Variants in NRXN1 observed in about 807,000 individuals in gnomAD.
NRXN1 encodes neurexin-1.
NRXN1 carries 39 observed loss-of-function variants against 150.9 expected under a neutral mutation model. The observed-to-expected ratio is 0.26, with a 90% CI of 0.20 to 0.34. The LOEUF is 0.34. NRXN1 is among the 10% of genes least tolerant of loss of function. The pLI is 1.00. For synonymous variants in NRXN1, 924 were observed against 757.0 expected (o/e 1.22, Z -3.62); for missense variants, 1,815 against 1,949.9 (o/e 0.93, Z 1.30).
intron 16 of NRXN1, among the ~76,000 whole-genome samples, chr2:50,471,920 C>CA (rs2089509949): frequency 1.3e-5 from 2 of 151,682 alleles, no homozygotes; most frequent in Non-Finnish European, 2.9e-5. Flanking sequence ...AAAAAATGGG[C>CA]ACAAGTTGAT....
At chr2:50,140,694 G>A (rs1363706475) in intron 18 of NRXN1, among the ~76,000 whole-genome samples, 1 of 150,424 alleles carries the variant, frequency 6.6e-6, no homozygotes. Flanking sequence ...TAGTAGAGAT[G>A]TTGATGTTTA....
At chr2:50,027,133 C>T (rs188551340) in intron 21 of NRXN1, among the ~76,000 whole-genome samples, 14 of 151,972 alleles carry the variant, frequency 9.2e-5, no homozygotes, top group African/African-American at 2.7e-4. Flanking sequence ...CCACCCAACT[C>T]GGGTTCCCAA....
intron 8 of NRXN1, among the ~76,000 whole-genome samples, chr2:50,582,620 G>C (rs1289140293): frequency 1.3e-5 from 2 of 151,006 alleles, no homozygotes; most frequent in Non-Finnish European, 2.9e-5. Context: ...ATAAACATAG[G>C]CTACGTAGCA....
chr2:50,074,737 T>C (rs745673665), intron 19 of NRXN1, among the ~76,000 whole-genome samples: 1 of 152,016 alleles, frequency 6.6e-6, no homozygotes, highest in African/African-American at 2.4e-5. Flanking sequence ...CCAGGAAGAG[T>C]TGAAGTACAT....
chr2:50,393,479 TA>T (rs1351313877), intron 17 of NRXN1, among the ~76,000 whole-genome samples: 1 of 152,074 alleles, frequency 6.6e-6, no homozygotes, highest in African/African-American at 2.4e-5. Flanking sequence ...AGGAAACTGT[TA>T]ATTTAAGAAG....
chr2:50,808,823 A>T (rs1667844708), intron 5 of NRXN1, among the ~76,000 whole-genome samples: 1 of 152,162 alleles, frequency 6.6e-6, no homozygotes, highest in African/African-American at 2.4e-5. Context: ...CTTTCAACAC[A>T]TTAATTAAAG....
chr2:50,439,528 C>T (rs111273530), intron 17 of NRXN1, among the ~76,000 whole-genome samples: 1,615 of 152,146 alleles, frequency 0.011, 26 homozygotes, highest in African/African-American at 0.038. Flanking sequence ...TAAAAAAGGC[C>T]GGGCGCGGTG....
chr2:50,897,088 G>A (rs1383296491), intron 5 of NRXN1, among the ~76,000 whole-genome samples: 3 of 152,146 alleles, frequency 2.0e-5, no homozygotes, highest in African/African-American at 4.8e-5. Flanking sequence ...TTCATTCTAA[G>A]TAACTGTTGA....
chr2:50,502,851 T>G (rs2092019232), intron 13 of NRXN1, among the ~76,000 whole-genome samples: 1 of 152,170 alleles, frequency 6.6e-6, no homozygotes, highest in Non-Finnish European at 1.5e-5. Context: ...TATCTCTGTC[T>G]GCTGAAGGGG....
intron 8 of NRXN1, among the ~76,000 whole-genome samples, chr2:50,588,430 T>A (rs1250694834): frequency 6.6e-6 from 1 of 152,108 alleles, no homozygotes; most frequent in Non-Finnish European, 1.5e-5. Context: ...GTGTAGAACA[T>A]ATACAGTGTG....
At chr2:50,976,805 G>A (rs1375385988) in intron 2 of NRXN1, among the ~76,000 whole-genome samples, 3 of 151,826 alleles carry the variant, frequency 2.0e-5, no homozygotes, top group Non-Finnish European at 2.9e-5. Context: ...AAAAATCATC[G>A]ATTAAATAAC....
chr2:50,510,513 A>AC (rs2092413366), intron 12 of NRXN1, among the ~76,000 whole-genome samples: 8 of 133,980 alleles, frequency 6.0e-5, no homozygotes, highest in Admixed American at 5.9e-4. Flanking sequence ...AAAAAAAAAA[A>AC]CCACAAAAGA....
chr2:50,255,120 T>C (rs1004261297), intron 17 of NRXN1, among the ~76,000 whole-genome samples: 3 of 152,096 alleles, frequency 2.0e-5, no homozygotes, highest in Non-Finnish European at 2.9e-5. Flanking sequence ...TCCACATATG[T>C]TTATAATAAC....
intron 5 of NRXN1, among the ~76,000 whole-genome samples, chr2:50,719,060 C>T (rs1295583663): frequency 2.0e-5 from 3 of 150,746 alleles, no homozygotes; most frequent in African/African-American, 7.3e-5. Flanking sequence ...CTACAACTTC[C>T]ACCATTGTGA....
intron 22 of NRXN1, among the ~76,000 whole-genome samples, chr2:49,931,751 T>C (rs1392146310): frequency 6.6e-6 from 1 of 152,140 alleles, no homozygotes; most frequent in Non-Finnish European, 1.5e-5. Flanking sequence ...AGAAGAGTTA[T>C]ATTTTGAAAT....
intron 17 of NRXN1, among the ~76,000 whole-genome samples, chr2:50,414,512 GT>G (rs568408527): frequency 4.6e-5 from 7 of 151,402 alleles, no homozygotes; most frequent in African/African-American, 1.7e-4. Flanking sequence ...TTTGAAAGAT[GT>G]TTTTTTAATA....
intron 5 of NRXN1, among the ~76,000 whole-genome samples, chr2:50,772,967 A>C (rs1703188752): frequency 6.6e-6 from 1 of 152,158 alleles, no homozygotes; most frequent in Non-Finnish European, 1.5e-5. Context: ...AAGAGCAGTA[A>C]AATTACTTGA....
intron 17 of NRXN1, among the ~76,000 whole-genome samples, chr2:50,277,712 T>C (rs908360492): frequency 6.6e-6 from 1 of 152,074 alleles, no homozygotes. Context: ...AGCACACCCA[T>C]TAAAGCACAA....
intron 21 of NRXN1, among the ~76,000 whole-genome samples, chr2:49,967,498 T>C (rs907871371): frequency 2.0e-5 from 3 of 152,128 alleles, no homozygotes; most frequent in Non-Finnish European, 2.9e-5. Flanking sequence ...GTTACGTTTA[T>C]AGACATAAAA....
Sources: allele counts gnomAD v4.1 joint callset (sites outside exome capture counted in the v4.1 genomes callset), GRCh38; gene constraint gnomAD v4.1.1; transcripts MANE v1.5; gene names NCBI Gene and HGNC (gene_info 2026-07-23, HGNC 2026-07-21).